Variants in GPATCH8 observed in about 807,000 individuals in gnomAD.
GPATCH8 encodes G-patch domain containing 8.
GPATCH8 carries 18 observed loss-of-function variants against 118.3 expected under a neutral mutation model. The ratio of observed to expected loss-of-function variants is 0.15; its 90% CI spans 0.11 to 0.23. The LOEUF is 0.23. Ranked by LOEUF, GPATCH8 falls within the 10% of genes least tolerant of loss-of-function variation. The pLI is 1.00. For synonymous variants in GPATCH8, 659 were observed against 684.7 expected (o/e 0.96, Z 0.59); for missense variants, 1,631 against 1,873.8 (o/e 0.87, Z 2.39).
chr17:44,416,309 C>A (rs999377319), intron 6 of GPATCH8, among the ~76,000 whole-genome samples: 6 of 114,498 alleles, frequency 5.2e-5, no homozygotes, highest in African/African-American at 2.0e-4. Flanking sequence ...CCATGCCTGG[C>A]CTTCAGCAGA....
intron 6 of GPATCH8, among the ~76,000 whole-genome samples, chr17:44,415,369 T>C (rs1488908614): frequency 2.6e-5 from 4 of 152,216 alleles, no homozygotes; most frequent in Non-Finnish European, 4.4e-5. Flanking sequence ...TGGGCTTTTT[T>C]ACATTTTAGA....
intron 3 of GPATCH8, among the ~76,000 whole-genome samples, chr17:44,447,731 ATCC>A (rs2050940170): frequency 6.6e-6 from 1 of 151,814 alleles, no homozygotes; most frequent in Non-Finnish European, 1.5e-5. Context: ...GGCTCAAGCA[ATCC>A]TCCTGCCTTA....
chr17:44,403,937 AC>A (rs2049123409), intron 7 of GPATCH8, among the ~76,000 whole-genome samples: 1 of 150,486 alleles, frequency 6.6e-6, no homozygotes, highest in Admixed American at 6.6e-5. Context: ...AAGGTGATCC[AC>A]CTACCCCGGC....
intron 6 of GPATCH8, among the ~76,000 whole-genome samples, chr17:44,419,634 A>G (rs2049819493): frequency 6.6e-6 from 1 of 150,992 alleles, no homozygotes; most frequent in Non-Finnish European, 1.5e-5. Context: ...CTTACACTAC[A>G]TGTGCGTGTC....
chr17:44,493,089 T>C (rs1969402555), intron 1 of GPATCH8, among the ~76,000 whole-genome samples: 1 of 145,354 alleles, frequency 6.9e-6, no homozygotes, highest in East Asian at 2.0e-4. Context: ...AGTCTCATTC[T>C]GTCACCCAGG....
intron 2 of GPATCH8, chr17:44,465,890 A>AAG (rs1403412077): frequency 6.6e-6 from 1 of 152,248 alleles, no homozygotes; most frequent in East Asian, 1.9e-4. Flanking sequence ...AAGTTAGAAG[A>AAG]AGATTAAGCC....
chr17:44,449,112 C>G (rs756302391), intron 3 of GPATCH8, among the ~76,000 whole-genome samples: 1 of 151,970 alleles, frequency 6.6e-6, no homozygotes, highest in Non-Finnish European at 1.5e-5. Context: ...CCTGTCTCTG[C>G]TAAAAAATAC....
chr17:44,443,059 C>CAGAGAAAAACCTTGTCGAAAA (rs2050757585), intron 3 of GPATCH8, among the ~76,000 whole-genome samples: 1 of 152,118 alleles, frequency 6.6e-6, no homozygotes, highest in Non-Finnish European at 1.5e-5. Flanking sequence ...GCCTGGGTGA[C>CAGAGAAAAACCTTGTCGAAAA]AGAGAAAAAC....
chr17:44,464,341 T>A (rs569998331), intron 3 of GPATCH8, 131 bp downstream of exon 3: 1 of 757,356 alleles, frequency 1.3e-6, no homozygotes, highest in South Asian at 1.4e-5. Context: ...ACAAACAGAC[T>A]ACTCTAAGGG....
At chr17:44,495,366 T>A (rs1969586770) in intron 1 of GPATCH8, among the ~76,000 whole-genome samples, 1 of 152,070 alleles carries the variant, frequency 6.6e-6, no homozygotes, top group Non-Finnish European at 1.5e-5. Flanking sequence ...GCATGTCCAA[T>A]CATCCCACTT....
At chr17:44,494,310 G>A (rs12936613) in intron 1 of GPATCH8, among the ~76,000 whole-genome samples, 3 of 151,980 alleles carry the variant, frequency 2.0e-5, no homozygotes, top group South Asian at 2.1e-4. Flanking sequence ...CACATGGTCC[G>A]GCCGGGCACG....
At chr17:44,461,614 T>C (rs907668047) in intron 3 of GPATCH8, among the ~76,000 whole-genome samples, 1 of 152,208 alleles carries the variant, frequency 6.6e-6, no homozygotes, top group Non-Finnish European at 1.5e-5. Context: ...ACCATGGAGA[T>C]GGAGGCAAAA....
chr17:44,429,649 A>AACACACAC (rs144232073), intron 5 of GPATCH8, among the ~76,000 whole-genome samples: 3,364 of 125,660 alleles, frequency 0.027, 77 homozygotes, highest in Non-Finnish European at 0.035. Flanking sequence ...GTCTCTACTA[A>AACACACAC]ACACACACAC....
At chr17:44,457,104 C>T (rs1386081005) in intron 3 of GPATCH8, among the ~76,000 whole-genome samples, 5 of 152,122 alleles carry the variant, frequency 3.3e-5, no homozygotes, top group Non-Finnish European at 5.9e-5. Context: ...CTCAGGTGAT[C>T]TGCCCGCCTC....
chr17:44,456,308 G>A (rs980951210), intron 3 of GPATCH8, among the ~76,000 whole-genome samples: 2 of 151,978 alleles, frequency 1.3e-5, no homozygotes, highest in African/African-American at 2.4e-5. Context: ...TTAAGATGAG[G>A]TCTTGTTATA....
chr17:44,483,180 T>TATATATAC (rs1420024639), intron 1 of GPATCH8, among the ~76,000 whole-genome samples: 2 of 10,556 alleles, frequency 1.9e-4, no homozygotes, highest in African/African-American at 6.9e-4. Context: ...AAAAAAAATA[T>TATATATAC]ATATATATAT....
chr17:44,451,728 A>G lies in GPATCH8; in HGVS notation c.193+12744T>C, dbSNP rs77597786. 1.8e-3 allele frequency among the ~76,000 whole-genome samples: 272 copies of G among 152,302 alleles called. 1 individual carries two copies. The highest frequency in any genetic ancestry group is 6.0e-3 in the African/African-American group (250 of 41,552). ...AGCCTTAAGTTTCTAGTGAATTTAT[A>G]CTCATCATGAAGAATATATATGACC... On this transcript the variant is annotated intron_variant, in intron 3 of 7. Transcript: ENST00000591680.
chr17:44,398,258 T>C lies in GPATCH8; in HGVS notation c.3819A>G (p.Ala1273=). The change falls in exon 8 of 8, where the codon GCA becomes GCG. Residue 1273 remains alanine (A), a synonymous_variant. Transcript: ENST00000591680. ...GPVESSLLPI[A]PDLEHFPSYA... Reference sequence around the variant, plus strand: ...AACTGGGGAAATGCTCAAGGTCTGGTGCTATAGGCAGCAAGCTGGACTCCA... The same window carrying C: ...AACTGGGGAAATGCTCAAGGTCTGGCGCTATAGGCAGCAAGCTGGACTCCA... 2 of 1,613,368 alleles carry C rather than the reference T, an allele frequency of 1.2e-6. No individual in the cohort carries two copies. The highest frequency in any genetic ancestry group is 1.7e-6 in the Non-Finnish European group (2 of 1,179,576).
chr17:44,477,602 TAATAAA>T (rs1171940310), intron 1 of GPATCH8, among the ~76,000 whole-genome samples: 1 of 135,618 alleles, frequency 7.4e-6, no homozygotes, highest in East Asian at 2.1e-4. Flanking sequence ...ACAATAAAAA[TAATAAA>T]AATAAAATTG....
Sources: allele counts gnomAD v4.1 joint callset (sites outside exome capture counted in the v4.1 genomes callset), GRCh38; gene constraint gnomAD v4.1.1; transcripts MANE v1.5; gene names NCBI Gene and HGNC (gene_info 2026-07-23, HGNC 2026-07-21).